Variants in JAK1 observed in about 807,000 individuals in gnomAD.
JAK1 encodes tyrosine-protein kinase JAK1.
Under a neutral mutation model 136.6 loss-of-function variants are expected in JAK1, and 16 were observed. The observed-to-expected ratio is 0.12, with a 90% CI of 0.08 to 0.18. The LOEUF is 0.18. Ranked by LOEUF, JAK1 falls within the 10% of genes least tolerant of loss-of-function variation. JAK1 has a pLI of 1.00. For missense variants in JAK1, 859 were observed against 1,450.1 expected (o/e 0.59, Z 6.62); for synonymous variants, 492 against 519.5 (o/e 0.95, Z 0.72).
At chr1:65,037,011 C>T (rs2100826372) in intron 2 of JAK1, among the ~76,000 whole-genome samples, 1 of 152,134 alleles carries the variant, frequency 6.6e-6, no homozygotes, top group East Asian at 1.9e-4. Flanking sequence ...CATTGCAAGA[C>T]CCCACCTCTA....
upstream of JAK1, among the ~76,000 whole-genome samples, chr1:64,970,151 A>AAAAAAAAAAAAAAC (rs1256701898): frequency 4.7e-5 from 7 of 148,248 alleles, no homozygotes; most frequent in African/African-American, 1.8e-4. Flanking sequence ...AAAAAAAAAA[A>AAAAAAAAAAAAAAC]AAAACGGCCG....
intron 1 of JAK1, among the ~76,000 whole-genome samples, chr1:64,895,666 A>G (rs780770565): frequency 2.0e-5 from 3 of 152,212 alleles, no homozygotes; most frequent in Non-Finnish European, 4.4e-5. Context: ...TCTTCATTTC[A>G]CAATAAGCTT....
At chr1:64,912,279 T>C (rs1249042448) in intron 1 of JAK1, among the ~76,000 whole-genome samples, 1 of 152,178 alleles carries the variant, frequency 6.6e-6, no homozygotes, top group Non-Finnish European at 1.5e-5. Context: ...ATTTCCAAGG[T>C]AGACACAGCT....
intron 1 of JAK1, among the ~76,000 whole-genome samples, chr1:65,062,247 TA>T (rs1647824450): frequency 6.6e-6 from 1 of 152,208 alleles, no homozygotes; most frequent in Non-Finnish European, 1.5e-5. Flanking sequence ...ACTCCACAGT[TA>T]ATTTACTTTC....
intron 5 of JAK1, among the ~76,000 whole-genome samples, chr1:64,871,282 C>T (rs1238440990): frequency 6.6e-6 from 1 of 152,166 alleles, no homozygotes; most frequent in Non-Finnish European, 1.5e-5. Flanking sequence ...CACAGATATA[C>T]TGATACGTGT....
rs1183218798 is a variant in JAK1 at position 64,928,778 on chromosome 1, CAA to C, written c.-78+37553_-78+37554del. The stretch of plus-strand genomic sequence containing the variant: ...AGGTTCTGAGTGCTATAAAACTCTG[CAA>C]AAAAAAAAAAAAAAAACAAAAAAAA... On this transcript the variant is annotated intron_variant, in intron 1 of 24. Transcript: ENST00000342505. Among the ~76,000 whole-genome samples the C allele has an allele frequency of 5.7e-4, 35 of 61,142 alleles. 1 individual carries two copies. The highest frequency in any genetic ancestry group is 1.9e-3 in the East Asian group (4 of 2,052). The allele number at this position is 61,142 out of a possible 152,430, so 40.1% of individuals were successfully genotyped here. A position where few individuals can be genotyped will look rare whatever the true frequency, so the allele number is the denominator to read the frequency against.
rs1656759306 is a variant in JAK1 at position 64,867,190 on chromosome 1, T to C, written c.666A>G (p.Pro222=). ...GTCTGATGGACTTATTCAATGTTTC[T>C]GGAATATATCGCTTGTAGCTAAAAG... is the stretch of plus-strand genomic sequence containing the variant. ...PKDISYKRYI[P]ETLNKSIRQR... The change falls in exon 7 of 25, where the codon CCA becomes CCG. Residue 222 remains proline (P), a synonymous_variant. Transcript: ENST00000342505. 1.2e-6 allele frequency: 2 copies of C among 1,600,196 alleles called. No homozygotes were observed. Among genetic ancestry groups the C allele is most frequent in the Admixed American group, 1.7e-5 (1 of 59,640 alleles).
Position 65,055,630 on chromosome 1 carries a change from T to C in JAK1, c.-180-11048A>G, listed in dbSNP as rs149490917. Among the ~76,000 whole-genome samples, 274 of 152,282 alleles carry C rather than the reference T, an allele frequency of 1.8e-3. 2 individuals carry two copies. The highest frequency in any genetic ancestry group is 5.8e-3 in the African/African-American group (240 of 41,550). On this transcript the variant is annotated intron_variant, in intron 1 of 25. Transcript: ENST00000671954. ...ATATACCAACCAAACACACACTGTG[T>C]TTTAAGCAAGGCAGTGGAAAAACCC...
chr1:64,845,502 G>A lies in JAK1; in HGVS notation c.2115+11C>T, dbSNP rs778939302. ...CTGGTGGGACCATTATGGACATCAG[G>A]ACATTCTCACCAAGTAGCTCAGGGC... is the stretch of plus-strand genomic sequence containing the variant. On this transcript the variant is annotated intron_variant, in intron 15 of 24. Transcript: ENST00000342505. 2 of 1,614,042 alleles carry A rather than the reference G, an allele frequency of 1.2e-6. No homozygotes were observed. Among genetic ancestry groups the A allele is most frequent in the Admixed American group, 1.7e-5 (1 of 60,020 alleles).
intron 2 of JAK1, among the ~76,000 whole-genome samples, chr1:64,979,331 C>T (rs1182610801): frequency 6.6e-6 from 1 of 152,052 alleles, no homozygotes; most frequent in African/African-American, 2.4e-5. Context: ...CCCAGGAGTT[C>T]GAGGCTGTAG....
rs551291524 is a variant in JAK1 at position 64,867,248 on chromosome 1, A to C, written c.648-40T>G. The C allele has an allele frequency of 9.6e-5, 134 of 1,402,558 alleles. 1 individual carries two copies. The South Asian group carries it at 1.6e-3, about 17-fold the overall frequency. The allele number at this position is 1,402,558 out of a possible 1,614,324, so 86.9% of individuals were successfully genotyped here. A position where few individuals can be genotyped will look rare whatever the true frequency, so the allele number is the denominator to read the frequency against. ...AAAAGTACATCTCCTTTTCATGTACAGGTTAGGAGAAAATAGTTTAGAAAC... is the reference window on the plus strand; with the variant it reads ...AAAAGTACATCTCCTTTTCATGTACCGGTTAGGAGAAAATAGTTTAGAAAC... On this transcript the variant is annotated intron_variant, in intron 6 of 24. Transcript: ENST00000342505.
chr1:64,843,510 G>A (rs1463717863), intron 17 of JAK1, among the ~76,000 whole-genome samples: 2 of 152,166 alleles, frequency 1.3e-5, no homozygotes, highest in African/African-American at 2.4e-5. Context: ...TGTCAAATGA[G>A]GGTAATGACA....
intron 1 of JAK1, among the ~76,000 whole-genome samples, chr1:65,066,967 C>A (rs1648079122): frequency 6.6e-6 from 1 of 152,098 alleles, no homozygotes; most frequent in Non-Finnish European, 1.5e-5. Context: ...CCGAGCCAGG[C>A]GCCCGGGGCT....
At chr1:64,905,761 C>T (rs1254166437) in intron 1 of JAK1, among the ~76,000 whole-genome samples, 4 of 152,208 alleles carry the variant, frequency 2.6e-5, no homozygotes, top group Non-Finnish European at 5.9e-5. Context: ...CAATTAAGCA[C>T]TAAGTTGTTT....
intron 17 of JAK1, among the ~76,000 whole-genome samples, chr1:64,842,065 C>T (rs1654939692): frequency 6.6e-6 from 1 of 151,850 alleles, no homozygotes; most frequent in South Asian, 2.1e-4. Context: ...GTAAATTAAA[C>T]AAAACAATTA....
chr1:64,902,583 A>AGAGAGAGTGTGTGTGTGT lies in JAK1; in HGVS notation c.-77-16243_-77-16242insACACACACACACTCTCTC. On this transcript the variant is annotated intron_variant, in intron 1 of 24. Transcript: ENST00000342505. ...GAGAGAGAGAGAGAGAGAGAGAGAG[A>AGAGAGAGTGTGTGTGTGT]GTGTGTGTGTGTGTGTGTGTGTGTG... Among the ~76,000 whole-genome samples the AGAGAGAGTGTGTGTGTGT allele has an allele frequency of 2.7e-3, 199 of 73,796 alleles. 1 individual carries two copies. Among genetic ancestry groups the AGAGAGAGTGTGTGTGTGT allele is most frequent in the African/African-American group, 5.4e-3 (88 of 16,206 alleles). 48.4% of individuals were successfully genotyped at this position (73,796 alleles called of 152,430 possible).
At chr1:64,944,166 G>A (rs1448931325) in intron 1 of JAK1, among the ~76,000 whole-genome samples, 2 of 142,258 alleles carry the variant, frequency 1.4e-5, no homozygotes, top group African/African-American at 5.3e-5. Flanking sequence ...AGCTTGCAGT[G>A]AGCCGAGATC....
At chr1:64,973,472 C>T (rs1452329590) in intron 2 of JAK1, among the ~76,000 whole-genome samples, 1 of 151,746 alleles carries the variant, frequency 6.6e-6, no homozygotes, top group Admixed American at 6.6e-5. Flanking sequence ...AAATATTTTA[C>T]ACATTCAGTA....
At chr1:64,861,125 C>G (rs1046561687) in intron 8 of JAK1, among the ~76,000 whole-genome samples, 1 of 151,960 alleles carries the variant, frequency 6.6e-6, no homozygotes, top group Non-Finnish European at 1.5e-5. Flanking sequence ...AAGCATGCAC[C>G]GTGATCTTGG....
Sources: allele counts gnomAD v4.1 joint callset (sites outside exome capture counted in the v4.1 genomes callset), GRCh38; gene constraint gnomAD v4.1.1; transcripts MANE v1.5; gene names NCBI Gene and HGNC (gene_info 2026-07-23, HGNC 2026-07-21).